The following VPS8 variants were observed in gnomAD, a reference collection of about 807,000 sequenced individuals.
VPS8 encodes the protein VPS8 subunit of CORVET complex, also known as vacuolar protein sorting-associated protein 8 homolog.
A neutral mutation model predicts 216.4 loss-of-function variants in VPS8; 129 were observed. The ratio of observed to expected loss-of-function variants is 0.60; its 90% CI spans 0.52 to 0.69. The LOEUF (loss-of-function observed/expected upper bound fraction) is 0.69. VPS8 is among the 30% of genes least tolerant of loss of function. The pLI, the probability that VPS8 is intolerant of heterozygous loss-of-function variation, is 0.00. For missense variants in VPS8, 1,531 were observed against 1,683.5 expected (o/e 0.91, Z 1.59); for synonymous variants, 571 against 565.4 (o/e 1.01, Z -0.14).
At chr3:184,906,240 C>T (rs1331823645) in intron 25 of VPS8, among the ~76,000 whole-genome samples, 1 of 152,066 alleles carries the variant, frequency 6.6e-6, no homozygotes, top group Admixed American at 6.6e-5. Flanking sequence ...TCTCACATTT[C>T]CTTCTCATAT....
At chr3:184,946,876 A>C (rs1228791104) in intron 36 of VPS8, among the ~76,000 whole-genome samples, 1 of 152,060 alleles carries the variant, frequency 6.6e-6, no homozygotes, top group Non-Finnish European at 1.5e-5. Context: ...TAGACACTCT[A>C]CTGAAAGCAA....
At chr3:185,050,756 C>T (rs537864000) in intron 47 of VPS8, among the ~76,000 whole-genome samples, 1 of 152,294 alleles carries the variant, frequency 6.6e-6, no homozygotes, top group South Asian at 2.1e-4. Flanking sequence ...TTGGTAGACA[C>T]AGACAGGGCT....
chr3:184,836,624 G>A (rs1460034154), intron 5 of VPS8, among the ~76,000 whole-genome samples: 3 of 152,164 alleles, frequency 2.0e-5, no homozygotes, highest in Admixed American at 2.0e-4. Flanking sequence ...ATCATACGGT[G>A]CCTTCCTATT....
chr3:184,826,270 G>T (rs1242034468), intron 3 of VPS8, 39 bp downstream of exon 3: 1 of 1,534,572 alleles, frequency 6.5e-7, no homozygotes, highest in Non-Finnish European at 8.9e-7. Flanking sequence ...TTTGTGTGTG[G>T]CATTCATCTT....
chr3:184,834,616 CT>C (rs1720679701), intron 4 of VPS8, 32 bp from the exon 5 acceptor site: 1 of 1,483,926 alleles, frequency 6.7e-7, no homozygotes, highest in South Asian at 1.3e-5. Context: ...CTATTTTTAT[CT>C]GTTTTTAAAT....
intron 45 of VPS8, among the ~76,000 whole-genome samples, chr3:185,019,737 G>T (rs1435735985): frequency 3.3e-5 from 5 of 152,228 alleles, no homozygotes; most frequent in Admixed American, 3.3e-4. Context: ...ATGTCACAAT[G>T]CTGTAGAGAT....
chr3:184,910,436 C>T (rs1369781853), intron 25 of VPS8, among the ~76,000 whole-genome samples: 1 of 152,192 alleles, frequency 6.6e-6, no homozygotes. Flanking sequence ...AGCTAACTCC[C>T]TATCTCCGCT....
At chr3:184,924,000 T>G (rs186672731) in intron 29 of VPS8, among the ~76,000 whole-genome samples, 1 of 152,342 alleles carries the variant, frequency 6.6e-6, no homozygotes, top group Non-Finnish European at 1.5e-5. Flanking sequence ...GTCTTTTCCT[T>G]CTTGTTCCTA....
At chr3:184,999,892 T>G (rs1308845627) in intron 45 of VPS8, 31 bp downstream of exon 45, 1 of 1,579,236 alleles carries the variant, frequency 6.3e-7, no homozygotes, top group Non-Finnish European at 8.6e-7. Context: ...AAAATGGAAA[T>G]GGTCTTTTCT....
chr3:184,954,539 A>G (rs1435776317), intron 36 of VPS8, among the ~76,000 whole-genome samples: 1 of 152,170 alleles, frequency 6.6e-6, no homozygotes, highest in Non-Finnish European at 1.5e-5. Flanking sequence ...TGGAAAGCTT[A>G]AGGATTTTAG....
intron 40 of VPS8, among the ~76,000 whole-genome samples, chr3:184,976,058 C>T (rs1749214155): frequency 1.3e-5 from 2 of 152,042 alleles, no homozygotes; most frequent in Admixed American, 6.6e-5. Flanking sequence ...CATGTATACC[C>T]AATGTTTAGC....
chr3:185,046,800 G>A (rs1291710571), intron 46 of VPS8, among the ~76,000 whole-genome samples: 1 of 152,168 alleles, frequency 6.6e-6, no homozygotes, highest in African/African-American at 2.4e-5. Flanking sequence ...ACCTAGTCTT[G>A]GGCAGAGTCC....
At chr3:184,988,591 A>G (rs753934245) in intron 42 of VPS8, among the ~76,000 whole-genome samples, 34 of 152,208 alleles carry the variant, frequency 2.2e-4, no homozygotes, top group Admixed American at 3.9e-4. Context: ...GGGAGTGACA[A>G]TCATCCAACT....
At chr3:184,845,699 G>A (rs1310579069) in intron 8 of VPS8, among the ~76,000 whole-genome samples, 1 of 148,662 alleles carries the variant, frequency 6.7e-6, no homozygotes, top group African/African-American at 2.5e-5. Flanking sequence ...AGGTTGCGGT[G>A]AGCCCAGATC....
chr3:184,970,665 A>G (rs1489793506), intron 39 of VPS8, among the ~76,000 whole-genome samples: 9 of 152,212 alleles, frequency 5.9e-5, no homozygotes, highest in Non-Finnish European at 1.3e-4. Context: ...TGCTCTGTTT[A>G]CTTAGTGTCA....
intron 45 of VPS8, among the ~76,000 whole-genome samples, chr3:185,000,354 A>G (rs1460699547): frequency 1.3e-5 from 2 of 152,174 alleles, no homozygotes; most frequent in Non-Finnish European, 2.9e-5. Flanking sequence ...TTTAAAGCAG[A>G]CAGTGGAGCA....
intron 14 of VPS8, among the ~76,000 whole-genome samples, chr3:184,857,969 C>A (rs1206011682): frequency 6.6e-6 from 1 of 151,940 alleles, no homozygotes; most frequent in Non-Finnish European, 1.5e-5. Context: ...CATGAAGGGC[C>A]CACATTAAGT....
chr3:185,026,140 G>A (rs1160299133), intron 46 of VPS8, among the ~76,000 whole-genome samples: 1 of 152,032 alleles, frequency 6.6e-6, no homozygotes, highest in Non-Finnish European at 1.5e-5. Flanking sequence ...TGTGGGTTCT[G>A]CATCTGTGGA....
chr3:184,863,722 C>G (rs946827020), intron 16 of VPS8, among the ~76,000 whole-genome samples: 1 of 152,176 alleles, frequency 6.6e-6, no homozygotes. Flanking sequence ...ATTGTGATCT[C>G]ATGTTCCTAA....
Sources: allele counts gnomAD v4.1 joint callset (sites outside exome capture counted in the v4.1 genomes callset), GRCh38; gene constraint gnomAD v4.1.1; transcripts MANE v1.5; gene names NCBI Gene and HGNC (gene_info 2026-07-23, HGNC 2026-07-21).